SBF2: variants seen among roughly 807,000 people sequenced by gnomAD.
The protein encoded by SBF2 is myotubularin-related protein 13.
Under a neutral mutation model 225.2 loss-of-function variants are expected in SBF2, and 112 were observed. The observed-to-expected ratio is 0.50, with a 90% CI of 0.43 to 0.58. The LOEUF is 0.58. SBF2 is among the 20% of genes least tolerant of loss of function. The probability of loss-of-function intolerance (pLI) is 0.00; values close to 1 mark genes in which losing one functional copy is unlikely to be tolerated. For missense variants in SBF2, 1,996 were observed against 2,206.2 expected, an observed-to-expected ratio of 0.90 and a Z score of 1.91; for synonymous variants, 763 against 773.3, an observed-to-expected ratio of 0.99 and a Z score of 0.22.
intron 1 of SBF2, among the ~76,000 whole-genome samples, chr11:10,250,460 T>G (rs1960235390): frequency 1.3e-5 from 2 of 152,162 alleles, no homozygotes; most frequent in South Asian, 4.1e-4. Context: ...GATAAAATGA[T>G]CCAAATTGAA....
At chr11:10,245,803 G>C (rs61889796) in intron 1 of SBF2, among the ~76,000 whole-genome samples, 16,064 of 152,236 alleles carry the variant, frequency 0.11, 1,000 homozygotes, top group Non-Finnish European at 0.11. Flanking sequence ...ACAATGAAGT[G>C]TTATTTGGCC....
At chr11:9,831,458 G>A (rs959641247) in intron 27 of SBF2, among the ~76,000 whole-genome samples, 2 of 152,234 alleles carry the variant, frequency 1.3e-5, no homozygotes, top group African/African-American at 4.8e-5. Flanking sequence ...AACATTGGCT[G>A]ACTTTCAAAA....
chr11:10,031,744 ACT>A (rs1565154187), intron 3 of SBF2, among the ~76,000 whole-genome samples: 1 of 152,244 alleles, frequency 6.6e-6, no homozygotes, highest in East Asian at 1.9e-4. Flanking sequence ...AGAAAAGAGA[ACT>A]CTGTTTCCGT....
At chr11:9,925,370 C>G (rs372636374) in intron 16 of SBF2, among the ~76,000 whole-genome samples, 1 of 152,036 alleles carries the variant, frequency 6.6e-6, no homozygotes, top group African/African-American at 2.4e-5. Flanking sequence ...CTCCACCTCC[C>G]GGCTTCAAGC....
intron 3 of SBF2, 41 bp from the exon 4 acceptor site, chr11:10,031,211 T>C (rs1196207404): frequency 6.2e-7 from 1 of 1,605,976 alleles, no homozygotes; most frequent in Admixed American, 1.7e-5. Context: ...AGAAGGGATT[T>C]CCTAGGTTCA....
rs548543838 is a variant in SBF2, at chr11:10,156,360, C to T, written c.141+37542G>A. On this transcript the variant is annotated intron_variant, in intron 2 of 39. Transcript: ENST00000256190. ...GCAGGCTTGCAGCTGCCCCTCGGCGCGAACAGCCTGGGCATCGTGGACAGC... is the reference window on the plus strand; with the variant it reads ...GCAGGCTTGCAGCTGCCCCTCGGCGTGAACAGCCTGGGCATCGTGGACAGC... Among the ~76,000 whole-genome samples, 167 of 152,264 alleles carry T rather than the reference C, an allele frequency of 1.1e-3. 1 individual carries two copies. The highest frequency in any genetic ancestry group is 3.6e-3 in the African/African-American group (151 of 41,558).
chr11:9,860,696 A>G (rs1470204466), intron 17 of SBF2, among the ~76,000 whole-genome samples: 1 of 152,184 alleles, frequency 6.6e-6, no homozygotes, highest in Non-Finnish European at 1.5e-5. Flanking sequence ...TGCCTTTACC[A>G]TGAGTATACT....
chr11:9,881,318 C>G (rs1174833609), intron 17 of SBF2, among the ~76,000 whole-genome samples: 1 of 152,146 alleles, frequency 6.6e-6, no homozygotes, highest in African/African-American at 2.4e-5. Context: ...GTTCAGCACT[C>G]TGCTGGGGGC....
chr11:9,816,484 A>C (rs1186000131), intron 29 of SBF2, among the ~76,000 whole-genome samples: 4 of 152,118 alleles, frequency 2.6e-5, no homozygotes, highest in Non-Finnish European at 5.9e-5. Context: ...CTGTTTTGCC[A>C]TGGGCAGATT....
chr11:10,179,671 A>T (rs1417832876), intron 2 of SBF2, among the ~76,000 whole-genome samples: 1 of 152,026 alleles, frequency 6.6e-6, no homozygotes, highest in Non-Finnish European at 1.5e-5. Flanking sequence ...CTCTAATAAT[A>T]TTTGCTTTAT....
At chr11:9,857,036 C>T (rs1376028947) in intron 18 of SBF2, among the ~76,000 whole-genome samples, 2 of 152,198 alleles carry the variant, frequency 1.3e-5, no homozygotes, top group Non-Finnish European at 2.9e-5. Flanking sequence ...ATCAGCCCGC[C>T]TCGGCCTCCC....
chr11:10,198,401 T>C (rs1301763482), intron 1 of SBF2, among the ~76,000 whole-genome samples: 1 of 152,184 alleles, frequency 6.6e-6, no homozygotes, highest in Non-Finnish European at 1.5e-5. Context: ...TTCTCAACAG[T>C]GGGCTTAAAA....
At chr11:9,849,262 T>A (rs748749108) in intron 22 of SBF2, among the ~76,000 whole-genome samples, 13 of 152,086 alleles carry the variant, frequency 8.5e-5, no homozygotes, top group Non-Finnish European at 1.6e-4. Flanking sequence ...GAAAGCCCAA[T>A]CTCCCAATTT....
chr11:9,972,635 C>G (rs1285133827), intron 13 of SBF2, among the ~76,000 whole-genome samples: 2 of 152,174 alleles, frequency 1.3e-5, no homozygotes, highest in Admixed American at 6.5e-5. Flanking sequence ...TGTGCACCAC[C>G]ACGCCTGGCT....
intron 1 of SBF2, among the ~76,000 whole-genome samples, chr11:10,256,837 T>C (rs565328561): frequency 5.9e-5 from 9 of 152,304 alleles, no homozygotes; most frequent in Middle Eastern, 3.4e-3. Context: ...TTTCTCTAAA[T>C]TGAAATTTTC....
rs114071520 is a variant in SBF2, at chr11:9,797,905, G to A, written c.4444-1948C>T. 8.2e-3 allele frequency among the ~76,000 whole-genome samples: 1,250 copies of A among 152,246 alleles called. 13 individuals are homozygous for A. Among genetic ancestry groups the A allele is most frequent in the African/African-American group, 0.029 (1,198 of 41,538 alleles). On this transcript the variant is annotated intron_variant, in intron 32 of 39. Coordinates refer to ENST00000256190, the MANE Select transcript of SBF2 (RefSeq NM_030962.4). ...GAGGATCGCTTGTGTCCAGGAGTTC[G>A]AAGCTGCAGTGGAGCCACAATTGTG...
intron 16 of SBF2, among the ~76,000 whole-genome samples, chr11:9,914,888 T>C (rs1211275598): frequency 8.2e-6 from 1 of 122,502 alleles, no homozygotes; most frequent in African/African-American, 3.1e-5. Context: ...TATACCACTA[T>C]GTTACAGGGT....
At chr11:9,848,507 A>T (rs2133978108) in intron 22 of SBF2, among the ~76,000 whole-genome samples, 1 of 152,346 alleles carries the variant, frequency 6.6e-6, no homozygotes, top group Non-Finnish European at 1.5e-5. Context: ...ACAGCAATTT[A>T]AATGACCACA....
Position 9,895,980 on chromosome 11 carries a change from G to A in SBF2, c.1892C>T (p.Ala631Val), listed in dbSNP as rs376057124. ...DCSSLEEYNIAAALLPLTSAF... is the reference protein window; with the variant it reads ...DCSSLEEYNIVAALLPLTSAF... ...ACTGGTCAAAGGGAGTAATGCTGCG[G>A]CAATGTTGTATTCTTCTAAACTTGA... Residue 631 changes from alanine to valine, a missense_variant, in exon 17 of 40, where the codon GCC (alanine) becomes GTC (valine). Ala to Val is a moderately conservative substitution (Grantham distance 64). Coordinates refer to ENST00000256190, the MANE Select transcript of SBF2 (RefSeq NM_030962.4). 1 of 1,613,280 alleles carries A rather than the reference G, an allele frequency of 6.2e-7. No individual in the cohort carries two copies. The highest frequency in any genetic ancestry group is 8.5e-7 in the Non-Finnish European group (1 of 1,179,390).
Sources: gnomAD v4.1 joint callset for allele counts (sites outside exome capture counted in the v4.1 genomes callset) on GRCh38, gnomAD v4.1.1 for gene constraint, MANE v1.5 for transcripts, NCBI Gene and HGNC (gene_info 2026-07-23, HGNC 2026-07-21) for gene names.